GARNL3: variants seen among roughly 807,000 people sequenced by gnomAD.
The protein encoded by GARNL3 is GTPase-activating Rap/Ran-GAP domain-like protein 3.
Under a neutral mutation model 125.0 loss-of-function variants are expected in GARNL3, and 63 were observed. The observed-to-expected ratio is 0.50, with a 90% CI of 0.41 to 0.62. GARNL3 has a LOEUF of 0.62. Ranked by LOEUF, GARNL3 falls within the 20% of genes least tolerant of loss-of-function variation. GARNL3 has a pLI of 0.00. For missense variants in GARNL3, 994 were observed against 1,244.0 expected (o/e 0.80, Z 3.02); for synonymous variants, 439 against 457.5 (o/e 0.96, Z 0.52).
intron 24 of GARNL3, 91 bp from the exon 25 acceptor site, chr9:127,387,102 A>G (rs1030212750): frequency 9.1e-6 from 12 of 1,325,846 alleles, no homozygotes; most frequent in Non-Finnish European, 1.3e-5. Flanking sequence ...GATGGGGACC[A>G]GTTGGAGGGT....
chr9:127,245,415 G>C (rs2063284322), intron 2 of GARNL3: 1 of 152,330 alleles, frequency 6.6e-6, no homozygotes, highest in Non-Finnish European at 1.5e-5. Context: ...TGCCGGATAG[G>C]ACCAGGTAGT....
chr9:127,355,012 C>T (rs749562096), intron 19 of GARNL3, among the ~76,000 whole-genome samples: 1 of 152,194 alleles, frequency 6.6e-6, no homozygotes, highest in Non-Finnish European at 1.5e-5. Context: ...AGGCTGGTCT[C>T]GAATTCCCGA....
chr9:127,357,514 A>G (rs769175502), intron 21 of GARNL3, 137 bp downstream of exon 21: 2 of 814,900 alleles, frequency 2.5e-6, no homozygotes, highest in Non-Finnish European at 3.8e-6. Flanking sequence ...GTGATTCACT[A>G]TTTAGACTGA....
intron 2 of GARNL3, among the ~76,000 whole-genome samples, chr9:127,249,824 A>G (rs1032249468): frequency 2.0e-5 from 3 of 152,068 alleles, no homozygotes; most frequent in African/African-American, 4.8e-5. Context: ...CCTGGCCAAC[A>G]TGGTGAAACC....
At chr9:127,241,406 A>G (rs1481422221) in intron 1 of GARNL3, among the ~76,000 whole-genome samples, 2 of 151,860 alleles carry the variant, frequency 1.3e-5, no homozygotes, top group Non-Finnish European at 2.9e-5. Flanking sequence ...GTTTTAGAAG[A>G]CTCAGGGCTC....
chr9:127,367,039 A>G (rs926920707), intron 22 of GARNL3: 2 of 152,228 alleles, frequency 1.3e-5, no homozygotes, highest in African/African-American at 4.8e-5. Context: ...AGGTTCCCAT[A>G]GCTTCAGTCT....
chr9:127,368,805 C>T (rs1330275178), intron 22 of GARNL3, among the ~76,000 whole-genome samples: 1 of 151,900 alleles, frequency 6.6e-6, no homozygotes, highest in African/African-American at 2.4e-5. Context: ...AGTGGTGGTG[C>T]GCGCCTGTAG....
In GARNL3 at chr9:127,344,232, T is replaced by G; in HGVS notation, c.1252-3T>G. The G allele has an allele frequency of 6.3e-7, 1 of 1,591,882 alleles. No homozygotes were observed. Among genetic ancestry groups the G allele is most frequent in the Non-Finnish European group, 8.5e-7 (1 of 1,170,060 alleles). ...GAATTCATAACTTGTTTTTCTTTTT[T>G]AGAACATGCTTAATAGACGATCTTT... On this transcript the variant is annotated splice_polypyrimidine_tract_variant and splice_region_variant and intron_variant, in intron 14 of 27. Coordinates refer to ENST00000373387, the MANE Select transcript of GARNL3 (RefSeq NM_032293.5).
At chr9:127,382,098 C>T (rs567742386) in intron 22 of GARNL3, among the ~76,000 whole-genome samples, 3 of 152,020 alleles carry the variant, frequency 2.0e-5, no homozygotes, top group East Asian at 1.9e-4. Context: ...GTCAGGAGTT[C>T]GACACCAGCC....
chr9:127,292,049 G>A (rs1299189563), intron 2 of GARNL3, among the ~76,000 whole-genome samples: 1 of 152,032 alleles, frequency 6.6e-6, no homozygotes, highest in African/African-American at 2.4e-5. Flanking sequence ...GCTATTGATG[G>A]TTATTGTTAT....
At chr9:127,248,123 G>A (rs1323350886) in intron 2 of GARNL3, among the ~76,000 whole-genome samples, 2 of 152,152 alleles carry the variant, frequency 1.3e-5, no homozygotes, top group Non-Finnish European at 2.9e-5. Context: ...TAAAACAAGT[G>A]CCAGAAAGTA....
chr9:127,297,230 C>T (rs1193288173), intron 2 of GARNL3, among the ~76,000 whole-genome samples: 2 of 152,168 alleles, frequency 1.3e-5, no homozygotes, highest in African/African-American at 2.4e-5. Context: ...CCTCGACCTC[C>T]ATGGCTCAGG....
At chr9:127,239,755 T>A (rs1174244372) in intron 1 of GARNL3, among the ~76,000 whole-genome samples, 1 of 151,986 alleles carries the variant, frequency 6.6e-6, no homozygotes, top group Admixed American at 6.6e-5. Flanking sequence ...ATAAAAGAAA[T>A]GAGTAAATAG....
At position 127,393,377 on chromosome 9, in the gene GARNL3, CCTT is replaced by C. The variant is rs975394758; in HGVS notation, c.*126_*128del. ...CCTGTCAGTGATCTATTGGACCAAA[CCTT>C]CTGCACACTCGGCCAGTTCCCTCTC... is the stretch of plus-strand genomic sequence containing the variant. On this transcript the variant is annotated 3_prime_UTR_variant, in exon 28 of 28. Coordinates refer to ENST00000373387, the MANE Select transcript of GARNL3 (RefSeq NM_032293.5). 4.9e-5 allele frequency: 39 copies of C among 794,938 alleles called. No individual in the cohort carries two copies. Among genetic ancestry groups the C allele is most frequent in the Non-Finnish European group, 7.5e-5 (38 of 509,858 alleles). 49.2% of individuals were successfully genotyped at this position (794,938 alleles called of 1,614,324 possible).
rs1012493200 is a variant in GARNL3 at position 127,242,985 on chromosome 9, C to T, written c.-28-94C>T. 1.7e-5 allele frequency: 19 copies of T among 1,112,132 alleles called. No homozygotes were observed. In the African/African-American group the frequency reaches 1.8e-4, roughly 11 times the overall value. The allele number at this position is 1,112,132 out of a possible 1,614,324, so 68.9% of individuals were successfully genotyped here. A position where few individuals can be genotyped will look rare whatever the true frequency, so the allele number is the denominator to read the frequency against. ...TGTCACCCTCCTCCTTGCTTACCAG[C>T]GGGGCTGCCTTTGGGAGGAGGGTAA... On this transcript the variant is annotated intron_variant, in intron 1 of 10. Coordinates refer to the GARNL3 transcript ENST00000439286. The surrounding 1 kb of genome is among the most constrained non-coding windows in gnomAD (Gnocchi z 4.6).
upstream of GARNL3, among the ~76,000 whole-genome samples, chr9:127,260,178 GC>G (rs1471022720): frequency 6.6e-6 from 1 of 152,176 alleles, no homozygotes; most frequent in Non-Finnish European, 1.5e-5. Flanking sequence ...GGACTACATT[GC>G]ATCTCCTCCC....
intron 7 of GARNL3, among the ~76,000 whole-genome samples, chr9:127,330,837 T>C (rs974833553): frequency 6.6e-6 from 1 of 152,154 alleles, no homozygotes; most frequent in Non-Finnish European, 1.5e-5. Flanking sequence ...TCCTCTCTCT[T>C]CCTGTATAGA....
chr9:127,353,959 CG>C lies in GARNL3; in HGVS notation c.1642+18del. Reference sequence around the variant, plus strand: ...AGCAGACAAAGGTGGTATTCCCTGCCGGGTGGCATGCTGTGGAGGAAGGAAA... The same window carrying C: ...AGCAGACAAAGGTGGTATTCCCTGCCGGTGGCATGCTGTGGAGGAAGGAAA... On this transcript the variant is annotated intron_variant, in intron 18 of 27. Transcript: ENST00000373387. 6.4e-7 allele frequency: 1 copy of C among 1,556,708 alleles called. No homozygotes were observed. Among genetic ancestry groups the C allele is most frequent in the Non-Finnish European group, 8.9e-7 (1 of 1,127,984 alleles).
chr9:127,246,689 C>T (rs1282020454), intron 2 of GARNL3, among the ~76,000 whole-genome samples: 3 of 152,060 alleles, frequency 2.0e-5, no homozygotes, highest in Non-Finnish European at 4.4e-5. Context: ...TGCCTGTAGT[C>T]CCAGCTACGT....
Sources: gnomAD v4.1 joint callset for allele counts (sites outside exome capture counted in the v4.1 genomes callset) on GRCh38, gnomAD v4.1.1 for gene constraint, Gnocchi (gnomAD v3.1) non-coding constraint, MANE v1.5 for transcripts, NCBI Gene and HGNC (gene_info 2026-07-23, HGNC 2026-07-21) for gene names.